TMPRSS13: variants seen among roughly 807,000 people sequenced by gnomAD.
The protein encoded by TMPRSS13 is transmembrane protease serine 13.
In TMPRSS13, 50 loss-of-function variants were observed where a neutral mutation model predicts 68.4. The observed-to-expected ratio is 0.73, with a 90% CI of 0.58 to 0.93. The LOEUF (loss-of-function observed/expected upper bound fraction) is 0.93. TMPRSS13 is among the 40% of genes least tolerant of loss of function. The pLI is 0.00. For missense variants in TMPRSS13, 615 were observed against 729.2 expected (o/e 0.84, Z 1.80); for synonymous variants, 267 against 285.8 (o/e 0.93, Z 0.66).
chr11:117,909,946 G>A lies in TMPRSS13; in HGVS notation c.969C>T (p.Thr323=), dbSNP rs202000952. The A allele has an allele frequency of 4.5e-5, 73 of 1,614,164 alleles. No individual in the cohort carries two copies. Among genetic ancestry groups the A allele is most frequent in the African/African-American group, 4.0e-4 (30 of 75,064 alleles). ...QCSHCGLRAM[T]GRIVGGALAS... is the part of the protein sequence containing the mutation. The stretch of plus-strand genomic sequence containing the variant: ...CCAGCGCCCCTCCCACGATCCGCCC[G>A]GTCATGGCCCTCAGTCCGCAGTCTG... The change falls in exon 8 of 13, where the codon ACC becomes ACT. Residue 323 remains threonine (T), a synonymous_variant. Transcript: ENST00000524993.
At chr11:117,905,281 C>T (rs1318607582) in intron 10 of TMPRSS13, among the ~76,000 whole-genome samples, 1 of 152,054 alleles carries the variant, frequency 6.6e-6, no homozygotes, top group Non-Finnish European at 1.5e-5. Flanking sequence ...TTTGAACCCT[C>T]CCCAAGCCAC....
In TMPRSS13 at chr11:117,915,209, C is replaced by T. The variant is rs1174786053; in HGVS notation, c.557-695G>A. Among the ~76,000 whole-genome samples the T allele has an allele frequency of 4.6e-5, 7 of 152,326 alleles. No individual in the cohort carries two copies. The East Asian group carries it at 1.4e-3, about 29-fold the overall frequency. On this transcript the variant is annotated intron_variant, in intron 3 of 12. Transcript: ENST00000524993. The surrounding 1 kb of genome is among the most constrained non-coding windows in gnomAD (Gnocchi z 4.9). ...CCATATGTGCAAATCTGCTTCACGA[C>T]TTCCTCCCTCTCTAACAGCAATCTC...
chr11:117,912,748 G>A (rs1370789024), intron 5 of TMPRSS13, among the ~76,000 whole-genome samples: 1 of 152,160 alleles, frequency 6.6e-6, no homozygotes, highest in East Asian at 1.9e-4. Flanking sequence ...TGTGGTTATT[G>A]GTTTAAGTCT....
chr11:117,908,489 T>C lies in TMPRSS13; in HGVS notation c.1282+123A>G, dbSNP rs757870454. 1.2e-5 allele frequency: 13 copies of C among 1,057,702 alleles called. No homozygotes were observed. In the South Asian group the frequency reaches 1.8e-4, roughly 14 times the overall value. 65.5% of individuals were successfully genotyped at this position (1,057,702 alleles called of 1,614,324 possible). A position where few individuals can be genotyped will look rare whatever the true frequency, so the allele number is the denominator to read the frequency against. ...TCCATGTAAGGATCTTTAAGAGTCT[T>C]TGACTTCTGCCCTGCAGAAGCTTTG... On this transcript the variant is annotated intron_variant, in intron 9 of 12. Transcript: ENST00000524993.
At chr11:117,924,479 G>A (rs1460744579) in intron 1 of TMPRSS13, among the ~76,000 whole-genome samples, 3 of 152,174 alleles carry the variant, frequency 2.0e-5, no homozygotes, top group Non-Finnish European at 2.9e-5. Flanking sequence ...GGGTGGGCAC[G>A]GGCAGACCAT....
At chr11:117,913,667 G>A (rs1309266492) in intron 5 of TMPRSS13, 110 bp downstream of exon 5, 32 of 1,406,684 alleles carry the variant, frequency 2.3e-5, no homozygotes, top group Admixed American at 6.3e-5. Context: ...GATCAGCCCC[G>A]GTCCCCAAGG....
At chr11:117,923,025 G>A (rs190783856) in intron 1 of TMPRSS13, among the ~76,000 whole-genome samples, 51 of 152,360 alleles carry the variant, frequency 3.3e-4, no homozygotes, top group African/African-American at 1.2e-3. Flanking sequence ...CAGGAAAGCG[G>A]TAAGGGACAA....
intron 1 of TMPRSS13, among the ~76,000 whole-genome samples, chr11:117,919,605 T>C (rs1321246157): frequency 6.6e-6 from 1 of 152,236 alleles, no homozygotes; most frequent in Non-Finnish European, 1.5e-5. Flanking sequence ...CTTCCCCAAC[T>C]TCAGGGGGAA....
chr11:117,910,832 GT>G lies in TMPRSS13; in HGVS notation c.903-83del, dbSNP rs1436168691. The G allele has an allele frequency of 4.7e-6, 6 of 1,284,318 alleles. No homozygotes were observed. In the African/African-American group the frequency reaches 5.9e-5, roughly 13 times the overall value. The allele number at this position is 1,284,318 out of a possible 1,614,324, so 79.6% of individuals were successfully genotyped here. On this transcript the variant is annotated intron_variant, in intron 6 of 12. Coordinates refer to ENST00000524993, the MANE Select transcript of TMPRSS13 (RefSeq NM_001077263.3). The stretch of plus-strand genomic sequence containing the variant: ...AGCCTTCCTGATTGACTCCTGCTCA[GT>G]TCCTATCCTGTTTCCAAGGAAGCTA...
rs141882923 is a variant in TMPRSS13 at position 117,918,852 on chromosome 11, G to A, written c.22-14C>T. The A allele has an allele frequency of 6.9e-4, 1,117 of 1,612,254 alleles. 12 individuals are homozygous for A. The African/African-American group carries it at 0.013, about 19-fold the overall frequency. ...TGGAGATGCATTCTGAAAGCAGATCGAAGAGTATCCCACAGGCTGCTCCCC... is the reference window on the plus strand; with the variant it reads ...TGGAGATGCATTCTGAAAGCAGATCAAAGAGTATCCCACAGGCTGCTCCCC... On this transcript the variant is annotated splice_polypyrimidine_tract_variant and intron_variant, in intron 1 of 12. Coordinates refer to ENST00000524993, the MANE Select transcript of TMPRSS13 (RefSeq NM_001077263.3).
intron 1 of TMPRSS13, among the ~76,000 whole-genome samples, chr11:117,919,878 C>T (rs1381631427): frequency 6.6e-6 from 1 of 152,240 alleles, no homozygotes; most frequent in African/African-American, 2.4e-5. Context: ...CCTGCACAGT[C>T]TTCGTGAACC....
intron 9 of TMPRSS13, chr11:117,908,299 C>G (rs954035654): frequency 1.8e-6 from 1 of 557,778 alleles, no homozygotes; most frequent in African/African-American, 1.9e-5. Flanking sequence ...TAGCGTTTGG[C>G]CCCTAGGTGC....
intron 2 of TMPRSS13, among the ~76,000 whole-genome samples, chr11:117,918,201 C>T (rs60019004): frequency 0.018 from 2,674 of 152,214 alleles, 91 homozygotes; most frequent in African/African-American, 0.061. Context: ...TCACCTACCC[C>T]CTTTGCCCCT....
chr11:117,902,680 A>G (rs796596516), intron 12 of TMPRSS13, among the ~76,000 whole-genome samples: 47 of 152,340 alleles, frequency 3.1e-4, no homozygotes, highest in African/African-American at 1.1e-3. Context: ...GTGAACTCAC[A>G]TCTCGGTCAT....
At position 117,911,856 on chromosome 11, in the gene TMPRSS13, G is replaced by A. The variant is rs1386975307; in HGVS notation, c.814C>T (p.His272Tyr). 1.2e-6 allele frequency: 2 copies of A among 1,613,706 alleles called. No homozygotes were observed. Among genetic ancestry groups the A allele is most frequent in the African/African-American group, 2.7e-5 (2 of 74,894 alleles). Residue 272 changes from histidine to tyrosine, a missense_variant, in exon 6 of 13, where the codon CAC becomes TAC. By Grantham distance (83) the His-to-Tyr change is moderately conservative. Coordinates refer to ENST00000524993, the MANE Select transcript of TMPRSS13 (RefSeq NM_001077263.3). ...CTGTGGGCAACCTCGGTTGTCCGGT[G>A]AGCACTACAAGGGAGCAGAGGGGAG... ...TCQQLGFESA[H>Y]RTTEVAHRDF...
intron 1 of TMPRSS13, among the ~76,000 whole-genome samples, chr11:117,927,120 A>G (rs902417279): frequency 1.3e-5 from 2 of 152,222 alleles, no homozygotes; most frequent in Non-Finnish European, 2.9e-5. Context: ...AATCAAAGGC[A>G]GCCAACTGTT....
At position 117,914,243 on chromosome 11, in the gene TMPRSS13, A is replaced by G. The variant is rs1050147726; in HGVS notation, c.679+149T>C. ...CACACACACATACGTGCACACACAC[A>G]TACATGCATACACACAAACATGCAC... On this transcript the variant is annotated intron_variant, in intron 4 of 12. Coordinates refer to ENST00000524993, the MANE Select transcript of TMPRSS13 (RefSeq NM_001077263.3). The surrounding 1 kb of genome is among the most constrained non-coding windows in gnomAD (Gnocchi z 4.2). 1.8e-6 allele frequency: 2 copies of G among 1,090,350 alleles called. No homozygotes were observed. Among genetic ancestry groups the G allele is most frequent in the Non-Finnish European group, 2.7e-6 (2 of 740,456 alleles). 67.5% of individuals were successfully genotyped at this position (1,090,350 alleles called of 1,614,324 possible). A position where few individuals can be genotyped will look rare whatever the true frequency, so the allele number is the denominator to read the frequency against.
At chr11:117,918,934 A>G in intron 1 of TMPRSS13, 96 bp from the exon 2 acceptor site, 1 of 1,530,480 alleles carries the variant, frequency 6.5e-7, no homozygotes, top group Admixed American at 1.8e-5. Context: ...GCTCTGGGGC[A>G]GCAGCTAGGG....
chr11:117,903,764 C>T lies in TMPRSS13; in HGVS notation c.1568G>A (p.Trp523Ter), dbSNP rs1465841870. The change falls in exon 12 of 13, where the codon TGG (tryptophan) becomes TAG (stop). Residue 523 changes from tryptophan (W) to a stop codon, truncating the protein, a stop_gained. Coordinates refer to ENST00000524993, the MANE Select transcript of TMPRSS13 (RefSeq NM_001077263.3). LOFTEE classifies it high-confidence loss of function. ...CCAGCTGGTGACACCTGCCAGGTAC[C>T]AGCGGTTGTTCTGCTCACAGACAAG... is the stretch of plus-strand genomic sequence containing the variant. The part of the protein sequence containing the change: ...GPLVCEQNNR[W>*]YLAGVTSWGT... The T allele has an allele frequency of 6.2e-7, 1 of 1,612,454 alleles. No homozygotes were observed. The highest frequency in any genetic ancestry group is 1.1e-5 in the South Asian group (1 of 90,626).
Sources: allele counts gnomAD v4.1 joint callset (sites outside exome capture counted in the v4.1 genomes callset), GRCh38; gene constraint gnomAD v4.1.1; non-coding constraint Gnocchi (gnomAD v3.1); transcripts MANE v1.5; gene names NCBI Gene and HGNC (gene_info 2026-07-23, HGNC 2026-07-21).